Variants in CTXND2 observed in about 807,000 individuals in gnomAD.
CTXND2 encodes cortexin domain containing 2.
At chr1:150,908,065 G>A (rs936323111) in intron 1 of CTXND2, among the ~76,000 whole-genome samples, 8 of 147,600 alleles carry the variant, frequency 5.4e-5, no homozygotes, top group African/African-American at 2.0e-4. Context: ...CTGGAGTATG[G>A]TGGCATGATC....
chr1:150,909,911 A>G (rs1290853971), intron 1 of CTXND2, among the ~76,000 whole-genome samples: 1 of 152,138 alleles, frequency 6.6e-6, no homozygotes, highest in African/African-American at 2.4e-5. Flanking sequence ...TGTGTAGGAA[A>G]ACAGGAACTC....
intron 1 of CTXND2, among the ~76,000 whole-genome samples, chr1:150,894,696 G>A (rs1332259073): frequency 1.3e-5 from 2 of 152,090 alleles, no homozygotes; most frequent in African/African-American, 4.8e-5. Flanking sequence ...TCTTCCTACT[G>A]AATTGAACCC....
chr1:150,897,865 C>A (rs2102596681), intron 1 of CTXND2, among the ~76,000 whole-genome samples: 2 of 152,302 alleles, frequency 1.3e-5, no homozygotes, highest in South Asian at 4.1e-4. Flanking sequence ...GGTCTTAGGA[C>A]AACTTCCTTG....
chr1:150,903,945 A>G (rs1669089895), intron 1 of CTXND2: 1 of 650,148 alleles, frequency 1.5e-6, no homozygotes, highest in Non-Finnish European at 2.9e-6. Context: ...AAGTGTGCCC[A>G]GTGTCACACC....
At chr1:150,900,662 A>G (rs1013201996) in intron 1 of CTXND2, among the ~76,000 whole-genome samples, 9 of 152,136 alleles carry the variant, frequency 5.9e-5, no homozygotes, top group Non-Finnish European at 1.2e-4. Context: ...CAAACCAAAA[A>G]AAAACCCTGA....
chr1:150,912,911 T>C (rs1255690446), exon 2 of CTXND2: 4 of 152,874 alleles, frequency 2.6e-5, no homozygotes, highest in African/African-American at 7.2e-5. Context: ...TGTTTTAGTG[T>C]GTGAAGTTTT....
At chr1:150,907,423 GC>G (rs1669168829) in intron 1 of CTXND2, among the ~76,000 whole-genome samples, 1 of 152,124 alleles carries the variant, frequency 6.6e-6, no homozygotes, top group Admixed American at 6.6e-5. Flanking sequence ...TATATAATAT[GC>G]TGGGGGCGTT....
At chr1:150,912,167 TG>T (rs1384219462) in intron 1 of CTXND2, 74 bp from the exon 2 acceptor site, 2 of 396,432 alleles carry the variant, frequency 5.0e-6, no homozygotes, top group African/African-American at 4.1e-5. Context: ...GGTCCCTTTT[TG>T]GTTTTTCACA....
intron 1 of CTXND2, among the ~76,000 whole-genome samples, chr1:150,890,218 G>A (rs1017140660): frequency 5.3e-5 from 8 of 152,070 alleles, no homozygotes; most frequent in Non-Finnish European, 7.4e-5. Flanking sequence ...CCAATCAAAC[G>A]TACTTAATAG....
At chr1:150,892,652 C>A (rs1365264129) in intron 1 of CTXND2, among the ~76,000 whole-genome samples, 5 of 151,900 alleles carry the variant, frequency 3.3e-5, no homozygotes, top group Non-Finnish European at 7.4e-5. Context: ...GATCCTCCCA[C>A]CGCAGCCTCC....
chr1:150,887,637 T>C (rs1456430607), intron 1 of CTXND2, among the ~76,000 whole-genome samples: 7 of 151,988 alleles, frequency 4.6e-5, no homozygotes, highest in African/African-American at 1.5e-4. Context: ...TTGAGGAAAG[T>C]TGGGGGGACC....
intron 1 of CTXND2, chr1:150,903,978 A>G (rs1447482274): frequency 3.1e-6 from 2 of 646,416 alleles, no homozygotes; most frequent in Non-Finnish European, 5.8e-6. Flanking sequence ...GGCAAGCACA[A>G]GACTGGGCCT....
chr1:150,900,074 GAGCCAGC>G (rs1397488622), intron 1 of CTXND2, among the ~76,000 whole-genome samples: 1 of 152,176 alleles, frequency 6.6e-6, no homozygotes, highest in African/African-American at 2.4e-5. Flanking sequence ...CTGGCCGCCT[GAGCCAGC>G]AGCAGCAACC....
chr1:150,909,716 C>T (rs2102604739), intron 1 of CTXND2, among the ~76,000 whole-genome samples: 1 of 152,204 alleles, frequency 6.6e-6, no homozygotes, highest in African/African-American at 2.4e-5. Context: ...ACCAGGAGTT[C>T]GGTCTAGGTC....
At chr1:150,905,477 G>A (rs1669125940) in intron 1 of CTXND2, among the ~76,000 whole-genome samples, 2 of 152,084 alleles carry the variant, frequency 1.3e-5, no homozygotes, top group Admixed American at 1.3e-4. Flanking sequence ...ACATCTGGGA[G>A]GAGTCCAGGG....
intron 1 of CTXND2, among the ~76,000 whole-genome samples, chr1:150,889,369 C>T (rs185064858): frequency 7.3e-4 from 109 of 148,370 alleles, no homozygotes; most frequent in Middle Eastern, 7.0e-3. Flanking sequence ...CACTGCACTC[C>T]AGCCTGGGCG....
chr1:150,888,024 GT>G (rs1429163770), intron 1 of CTXND2, among the ~76,000 whole-genome samples: 1 of 151,630 alleles, frequency 6.6e-6, no homozygotes, highest in Non-Finnish European at 1.5e-5. Context: ...ATCCCAAGAA[GT>G]GCTGCTACTC....
chr1:150,903,314 G>T (rs889914335), intron 1 of CTXND2, among the ~76,000 whole-genome samples: 9 of 152,018 alleles, frequency 5.9e-5, no homozygotes, highest in African/African-American at 2.2e-4. Flanking sequence ...TTTTGTGCAT[G>T]ATTTGTCCCT....
exon 2 of CTXND2, chr1:150,912,597 G>C: frequency 2.5e-6 from 1 of 397,104 alleles, no homozygotes; most frequent in Non-Finnish European, 4.4e-6. Context: ...ATTCCACAGT[G>C]AGATGAAACA....
Sources: gnomAD v4.1 joint callset for allele counts (sites outside exome capture counted in the v4.1 genomes callset) on GRCh38, gnomAD v4.1.1 for gene constraint, MANE v1.5 for transcripts, NCBI Gene and HGNC (gene_info 2026-07-23, HGNC 2026-07-21) for gene names.